ANKH: variants seen among roughly 807,000 people sequenced by gnomAD.
ANKH encodes ANKH inorganic pyrophosphate transport regulator.
A neutral mutation model predicts 49.0 loss-of-function variants in ANKH; 15 were observed. The observed-to-expected ratio is 0.31, with a 90% CI of 0.20 to 0.47. The LOEUF (loss-of-function observed/expected upper bound fraction) is 0.47, where lower values mean the gene tolerates loss of function less well. Among genes scored for constraint, ANKH ranks in the 20% least tolerant of loss-of-function variants. The pLI is 1.00. For missense variants in ANKH, 429 were observed against 652.0 expected (o/e 0.66, Z 3.72); for synonymous variants, 273 against 260.0 (o/e 1.05, Z -0.48).
rs1042892091 is a variant in ANKH, at chr5:14,710,843, C to T, written c.*354G>A. On this transcript the variant is annotated 3_prime_UTR_variant, in exon 12 of 12. Coordinates refer to ENST00000284268, the MANE Select transcript of ANKH (RefSeq NM_054027.6). The stretch of plus-strand genomic sequence containing the variant: ...GGCCTGCTGTGCAGGGTGACCGAGG[C>T]GCGATGGCACAGCTGCAGTCCTTTG... The T allele has an allele frequency of 3.4e-5, 12 of 348,000 alleles. No homozygotes were observed. The highest frequency in any genetic ancestry group is 2.1e-4 in the African/African-American group (10 of 46,798). The allele number at this position is 348,000 out of a possible 1,614,324, so 21.6% of individuals were successfully genotyped here.
At chr5:14,728,009 T>C (rs1354005684) in intron 8 of ANKH, among the ~76,000 whole-genome samples, 1 of 152,218 alleles carries the variant, frequency 6.6e-6, no homozygotes, top group Non-Finnish European at 1.5e-5. Flanking sequence ...GGGACTAGCC[T>C]TTATTGTCTT....
At chr5:14,711,618 C>T (rs1049427785) in intron 11 of ANKH, among the ~76,000 whole-genome samples, 24 of 152,196 alleles carry the variant, frequency 1.6e-4, no homozygotes, top group African/African-American at 5.8e-4. Context: ...GCGCTCTCCC[C>T]GACTCCTCAC....
intron 1 of ANKH, among the ~76,000 whole-genome samples, chr5:14,802,931 C>T (rs1390489938): frequency 6.6e-6 from 1 of 152,176 alleles, no homozygotes; most frequent in Non-Finnish European, 1.5e-5. Context: ...TGACTCTCAC[C>T]CATCTTCAAG....
chr5:14,836,099 G>A (rs1741643585), intron 1 of ANKH, among the ~76,000 whole-genome samples: 1 of 152,088 alleles, frequency 6.6e-6, no homozygotes, highest in South Asian at 2.1e-4. Context: ...AATAAACTAG[G>A]TATTGATGGG....
At chr5:14,779,367 C>A (rs1016066808) in intron 1 of ANKH, among the ~76,000 whole-genome samples, 3 of 152,216 alleles carry the variant, frequency 2.0e-5, no homozygotes, top group Non-Finnish European at 4.4e-5. Context: ...TGACTCCCAA[C>A]GTCCTCTAGT....
chr5:14,712,488 A>G (rs1031377819), intron 11 of ANKH, among the ~76,000 whole-genome samples: 13 of 152,338 alleles, frequency 8.5e-5, no homozygotes, highest in African/African-American at 3.1e-4. Context: ...TGGACTGCCC[A>G]GTCCTTGTGT....
At chr5:14,839,887 T>C (rs1332672068) in intron 1 of ANKH, among the ~76,000 whole-genome samples, 1 of 152,222 alleles carries the variant, frequency 6.6e-6, no homozygotes, top group Non-Finnish European at 1.5e-5. Context: ...AACATGACCC[T>C]GACTGGCAAG....
chr5:14,776,085 TC>T (rs1176305932), intron 1 of ANKH, among the ~76,000 whole-genome samples: 3 of 152,148 alleles, frequency 2.0e-5, no homozygotes, highest in Non-Finnish European at 2.9e-5. Flanking sequence ...CCACGTTTCT[TC>T]CCAGGGAGCA....
At chr5:14,716,262 C>G (rs1335031445) in intron 9 of ANKH, among the ~76,000 whole-genome samples, 1 of 152,040 alleles carries the variant, frequency 6.6e-6, no homozygotes. Flanking sequence ...AGCACTTTGC[C>G]GAGGAGGAGC....
intron 1 of ANKH, among the ~76,000 whole-genome samples, chr5:14,862,360 T>C (rs1359550177): frequency 1.3e-5 from 2 of 152,242 alleles, no homozygotes; most frequent in African/African-American, 4.8e-5. Context: ...ATTGTAATTT[T>C]AAGCTCATTT....
At chr5:14,742,825 C>T (rs152364) in intron 7 of ANKH, among the ~76,000 whole-genome samples, 4 of 152,130 alleles carry the variant, frequency 2.6e-5, no homozygotes, top group East Asian at 1.9e-4. Context: ...CAGTCAAAGG[C>T]GCCTGCCGAG....
At chr5:14,791,263 T>G (rs1032992852) in intron 1 of ANKH, among the ~76,000 whole-genome samples, 3 of 152,112 alleles carry the variant, frequency 2.0e-5, no homozygotes, top group African/African-American at 7.2e-5. Flanking sequence ...GGTGGGCGCA[T>G]GAGCTCAGTC....
intron 6 of ANKH, among the ~76,000 whole-genome samples, chr5:14,747,806 AAGG>A (rs1738586147): frequency 6.6e-6 from 1 of 152,200 alleles, no homozygotes; most frequent in African/African-American, 2.4e-5. Context: ...CTAGAACAAA[AAGG>A]AGCATTGGGA....
At chr5:14,747,095 G>A (rs1189693252) in intron 6 of ANKH, among the ~76,000 whole-genome samples, 5 of 152,110 alleles carry the variant, frequency 3.3e-5, no homozygotes, top group African/African-American at 1.2e-4. Flanking sequence ...CCTCCACTCC[G>A]TCCTTCAGGG....
intron 1 of ANKH, among the ~76,000 whole-genome samples, chr5:14,806,544 T>A (rs1024971949): frequency 6.6e-6 from 1 of 151,806 alleles, no homozygotes; most frequent in East Asian, 1.9e-4. Context: ...GTCAGGGGAG[T>A]GGCTGTGGCT....
rs1341719017 is a variant in ANKH, at chr5:14,808,280, T to C, written c.97-39089A>G. 5.3e-5 allele frequency among the ~76,000 whole-genome samples: 8 copies of C among 152,158 alleles called. 1 individual carries two copies. The South Asian group carries it at 1.7e-3, about 32-fold the overall frequency. ...TTTTTTTACACTATTGAATGTAGAGTTTGTAAATCTTATAGTGATCTTTGA... is the reference window on the plus strand; with the variant it reads ...TTTTTTTACACTATTGAATGTAGAGCTTGTAAATCTTATAGTGATCTTTGA... On this transcript the variant is annotated intron_variant, in intron 1 of 11. Coordinates refer to ENST00000284268, the MANE Select transcript of ANKH (RefSeq NM_054027.6).
chr5:14,840,252 T>G (rs1741780457), intron 1 of ANKH, among the ~76,000 whole-genome samples: 1 of 152,208 alleles, frequency 6.6e-6, no homozygotes, highest in African/African-American at 2.4e-5. Flanking sequence ...ATAGCACTTT[T>G]TAAGAACAGT....
chr5:14,833,201 T>C (rs1741552523), intron 1 of ANKH, among the ~76,000 whole-genome samples: 1 of 152,220 alleles, frequency 6.6e-6, no homozygotes, highest in Admixed American at 6.5e-5. Context: ...AAATATTCAT[T>C]CCATTCTTAA....
chr5:14,762,775 A>T (rs1368664913), intron 2 of ANKH, among the ~76,000 whole-genome samples: 1 of 152,208 alleles, frequency 6.6e-6, no homozygotes, highest in Non-Finnish European at 1.5e-5. Flanking sequence ...ATTTGCATAG[A>T]GTCCATAATT....
Sources: allele counts gnomAD v4.1 joint callset (sites outside exome capture counted in the v4.1 genomes callset), GRCh38; gene constraint gnomAD v4.1.1; transcripts MANE v1.5; gene names NCBI Gene and HGNC (gene_info 2026-07-23, HGNC 2026-07-21).